The following TDRD12 variants were observed in gnomAD, a reference collection of about 807,000 sequenced individuals.
TDRD12 encodes tudor domain containing 12, also known as putative ATP-dependent RNA helicase TDRD12.
Under a neutral mutation model 133.5 loss-of-function variants are expected in TDRD12, and 158 were observed. The observed-to-expected ratio is 1.18, with a 90% CI of 1.04 to 1.35. The LOEUF is 1.35. Among genes scored for constraint, TDRD12 ranks in the 40% most tolerant of loss-of-function variants. TDRD12 has a pLI of 0.00. For missense variants in TDRD12, 1,443 were observed against 1,321.3 expected, an observed-to-expected ratio of 1.09 and a Z score of -1.43; for synonymous variants, 460 against 477.9, an observed-to-expected ratio of 0.96 and a Z score of 0.49.
intron 8 of TDRD12, among the ~76,000 whole-genome samples, chr19:32,762,657 G>A (rs1386494756): frequency 2.0e-5 from 3 of 152,186 alleles, no homozygotes; most frequent in Non-Finnish European, 4.4e-5. Context: ...GGTGCTCTGT[G>A]CCTCGAGTAC....
At chr19:32,722,832 A>C (rs1017064395) in intron 1 of TDRD12, among the ~76,000 whole-genome samples, 196 of 151,938 alleles carry the variant, frequency 1.3e-3, no homozygotes, top group African/African-American at 4.3e-3. Flanking sequence ...GGCGCGTGCC[A>C]CCACAGCCGG....
intron 8 of TDRD12, among the ~76,000 whole-genome samples, chr19:32,765,003 A>G (rs1188461214): frequency 7.9e-5 from 12 of 152,252 alleles, no homozygotes; most frequent in Non-Finnish European, 1.0e-4. Context: ...ACAAAGGGCT[A>G]ATATCCAGAA....
At chr19:32,780,084 C>CTTTTT (rs11395360) in intron 11 of TDRD12, among the ~76,000 whole-genome samples, 5 of 127,764 alleles carry the variant, frequency 3.9e-5, no homozygotes, top group Admixed American at 1.7e-4. Flanking sequence ...TTTTTCTTTT[C>CTTTTT]TTTTTTTTTT....
At chr19:32,746,174 G>C (rs1206622894) in intron 4 of TDRD12, among the ~76,000 whole-genome samples, 2 of 151,332 alleles carry the variant, frequency 1.3e-5, no homozygotes, top group Non-Finnish European at 2.9e-5. Flanking sequence ...TTCTGTGTGT[G>C]AGAGAGACGG....
chr19:32,748,279 C>G (rs1478348338), intron 4 of TDRD12, among the ~76,000 whole-genome samples, 197 bp from the exon 5 acceptor site: 1 of 152,166 alleles, frequency 6.6e-6, no homozygotes, highest in African/African-American at 2.4e-5. Flanking sequence ...GTGCAGGTGA[C>G]AGTGTTGAGA....
intron 10 of TDRD12, among the ~76,000 whole-genome samples, chr19:32,776,817 C>T (rs1297948759): frequency 1.3e-5 from 2 of 152,192 alleles, no homozygotes; most frequent in African/African-American, 4.8e-5. Flanking sequence ...AAACCAATTC[C>T]TCAGTGGTGC....
chr19:32,816,535 A>G (rs940883586), intron 26 of TDRD12, among the ~76,000 whole-genome samples: 6 of 152,180 alleles, frequency 3.9e-5, no homozygotes, highest in Admixed American at 2.0e-4. Flanking sequence ...TACCCATTCT[A>G]CTGTTGACTG....
chr19:32,818,026 C>A, intron 26 of TDRD12, 63 bp from the exon 27 acceptor site: 1 of 702,016 alleles, frequency 1.4e-6, no homozygotes, highest in Non-Finnish European at 2.6e-6. Flanking sequence ...CTCTACTGTC[C>A]CCAGACAGGC....
intron 6 of TDRD12, among the ~76,000 whole-genome samples, chr19:32,755,187 T>C (rs1162087038): frequency 3.3e-5 from 5 of 152,256 alleles, no homozygotes; most frequent in African/African-American, 1.2e-4. Context: ...ATTTGGGTTG[T>C]GGCCATAGGC....
At chr19:32,771,899 G>A (rs765554704) in intron 8 of TDRD12, among the ~76,000 whole-genome samples, 8 of 152,292 alleles carry the variant, frequency 5.3e-5, no homozygotes, top group South Asian at 2.1e-4. Flanking sequence ...GGTGAAAGGC[G>A]TATCTTGTCA....
At chr19:32,785,122 A>G (rs1279591063) in intron 11 of TDRD12, among the ~76,000 whole-genome samples, 4 of 151,494 alleles carry the variant, frequency 2.6e-5, no homozygotes, top group African/African-American at 9.7e-5. Flanking sequence ...GTGGGCATTT[A>G]GTGCTATAAT....
At chr19:32,724,202 A>G (rs1968785217) in intron 1 of TDRD12, among the ~76,000 whole-genome samples, 1 of 152,180 alleles carries the variant, frequency 6.6e-6, no homozygotes, top group Admixed American at 6.6e-5. Flanking sequence ...TCTGGAATAT[A>G]GTAATACGAT....
intron 11 of TDRD12, among the ~76,000 whole-genome samples, chr19:32,780,891 G>A (rs1970744416): frequency 6.6e-6 from 1 of 150,450 alleles, no homozygotes; most frequent in Non-Finnish European, 1.5e-5. Context: ...CCGAGTAGCT[G>A]GGACTACTGT....
intron 8 of TDRD12, among the ~76,000 whole-genome samples, chr19:32,757,442 C>T (rs1370325621): frequency 6.6e-6 from 1 of 152,192 alleles, no homozygotes; most frequent in Non-Finnish European, 1.5e-5. Flanking sequence ...ATTGATTTTT[C>T]ACTTAGGCAA....
rs191078032 is a variant in TDRD12 at position 32,742,791 on chromosome 19, G to A, written c.331G>A (p.Val111Ile). 2.0e-4 allele frequency: 303 copies of A among 1,551,680 alleles called. No individual in the cohort carries two copies. The highest frequency in any genetic ancestry group is 4.3e-4 in the Admixed American group (22 of 50,952). Residue 111 changes from valine (V) to isoleucine (I), a missense_variant, in exon 4 of 28, where the codon GTA becomes ATA. Val to Ile is a conservative substitution (Grantham distance 29). Transcript: ENST00000444215. ...TGTTTTACTTTTTAGCATCCGAGTT[G>A]TAGTAGAATCGTTTATGCAGCTTCC...
chr19:32,810,327 T>A, intron 23 of TDRD12, 50 bp downstream of exon 23: 1 of 1,412,450 alleles, frequency 7.1e-7, no homozygotes, highest in Non-Finnish European at 9.3e-7. Context: ...ATGAGGTAAC[T>A]AAGTGGTGTT....
downstream of TDRD12, among the ~76,000 whole-genome samples, chr19:32,823,513 G>A (rs572810650): frequency 2.6e-5 from 4 of 152,300 alleles, no homozygotes; most frequent in Admixed American, 6.5e-5. Flanking sequence ...CTTGCTGGCC[G>A]TGACTGTGGC....
At chr19:32,827,250 G>A (rs1405940758) in exon 10 of TDRD12, 76 of 1,231,750 alleles carry the variant, frequency 6.2e-5, no homozygotes, top group Middle Eastern at 3.1e-4. Context: ...CAGTGAGAGT[G>A]AAAGAGAAGG....
intron 8 of TDRD12, among the ~76,000 whole-genome samples, chr19:32,769,595 G>A (rs1970387916): frequency 6.6e-6 from 1 of 152,028 alleles, no homozygotes; most frequent in African/African-American, 2.4e-5. Context: ...CTCTTATTAT[G>A]AGTGCCACTT....
Sources: allele counts gnomAD v4.1 joint callset (sites outside exome capture counted in the v4.1 genomes callset), GRCh38; gene constraint gnomAD v4.1.1; transcripts MANE v1.5; gene names NCBI Gene and HGNC (gene_info 2026-07-23, HGNC 2026-07-21).